TAOK3: variants seen among roughly 807,000 people sequenced by gnomAD.
TAOK3 encodes the protein TAO kinase 3.
Under a neutral mutation model 120.4 loss-of-function variants are expected in TAOK3, and 40 were observed. That is an observed-to-expected ratio of 0.33 (90% CI 0.26 to 0.43). The LOEUF (loss-of-function observed/expected upper bound fraction) is 0.43, where lower values mean the gene tolerates loss of function less well. Among genes scored for constraint, TAOK3 ranks in the 20% least tolerant of loss-of-function variants. The pLI, the probability that TAOK3 is intolerant of heterozygous loss-of-function variation, is 1.00. For synonymous variants in TAOK3, 355 were observed against 387.5 expected (o/e 0.92, Z 0.99); for missense variants, 821 against 1,112.1 (o/e 0.74, Z 3.72).
chr12:118,297,406 G>A (rs1216129124), intron 1 of TAOK3, among the ~76,000 whole-genome samples: 2 of 152,108 alleles, frequency 1.3e-5, no homozygotes, highest in South Asian at 2.1e-4. Flanking sequence ...TTGTACTTCA[G>A]CCACACTGGC....
chr12:118,172,615 G>T lies in TAOK3; in HGVS notation c.1741C>A (p.Arg581=), dbSNP rs368702140. 1 of 1,614,152 alleles carries T rather than the reference G, an allele frequency of 6.2e-7. No individual in the cohort carries two copies. The highest frequency in any genetic ancestry group is 8.5e-7 in the Non-Finnish European group (1 of 1,180,030). ...AAGTTCTCTTTATGTTTGGAGATCC[G>T]CTCTTGCTTCTCTTTCTTGGGTGTG... The part of the protein sequence containing the change: ...HSTPKKEKQE[R]ISKHKENLQH... Residue 581 remains arginine (R), a synonymous_variant, in exon 17 of 21, where the codon CGG becomes AGG. Transcript: ENST00000392533.
intron 1 of TAOK3, among the ~76,000 whole-genome samples, chr12:118,323,869 C>T (rs1012265199): frequency 6.6e-6 from 1 of 152,016 alleles, no homozygotes; most frequent in African/African-American, 2.4e-5. Flanking sequence ...AATAGACTAC[C>T]TGATATATCT....
In TAOK3 at chr12:118,230,799, G is replaced by A. The variant is rs369987152; in HGVS notation, c.643+2875C>T. 2.6e-5 allele frequency among the ~76,000 whole-genome samples: 4 copies of A among 152,204 alleles called. No homozygotes were observed. The South Asian group carries it at 8.3e-4, about 32-fold the overall frequency. ...TGTGAACTTTTACGTAGTATTGTGG[G>A]AAGTTCGTTATAAGCCCTTTTTAAA... On this transcript the variant is annotated intron_variant, in intron 9 of 20. Coordinates refer to ENST00000392533, the MANE Select transcript of TAOK3 (RefSeq NM_016281.4).
intron 1 of TAOK3, among the ~76,000 whole-genome samples, chr12:118,333,852 G>A (rs1248785054): frequency 1.3e-5 from 2 of 149,410 alleles, no homozygotes; most frequent in Non-Finnish European, 3.0e-5. Context: ...AAAAAAAATT[G>A]AGGCTGGGTG....
intron 3 of TAOK3, among the ~76,000 whole-genome samples, chr12:118,251,995 G>C (rs890510022): frequency 5.6e-4 from 85 of 152,048 alleles, no homozygotes; most frequent in Non-Finnish European, 1.1e-3. Context: ...CTAATTTTTT[G>C]TATTTTTAGT....
At chr12:118,349,369 C>A (rs75151690) in intron 1 of TAOK3, among the ~76,000 whole-genome samples, 3,119 of 152,248 alleles carry the variant, frequency 0.02, 107 homozygotes, top group African/African-American at 0.071. Flanking sequence ...AAATATCCAT[C>A]AACTCTTGAA....
At chr12:118,324,042 G>A (rs1449219134) in intron 1 of TAOK3, among the ~76,000 whole-genome samples, 2 of 152,148 alleles carry the variant, frequency 1.3e-5, no homozygotes. Flanking sequence ...TCATAATAAT[G>A]TAAGCACTGT....
At position 118,226,448 on chromosome 12, in the gene TAOK3, C is replaced by T. The variant is rs1161525964; in HGVS notation, c.643+7226G>A. 2.0e-5 allele frequency among the ~76,000 whole-genome samples: 3 copies of T among 150,296 alleles called. No homozygotes were observed. In the South Asian group the frequency reaches 6.3e-4, roughly 32 times the overall value. On this transcript the variant is annotated intron_variant, in intron 9 of 20. Transcript: ENST00000392533. The stretch of plus-strand genomic sequence containing the variant: ...ATTCGGGAGGCTGAGGCAGGAGAAT[C>T]GCTTGAACCCGGGAACTAGACGTTG...
chr12:118,309,021 T>C (rs971202543), intron 1 of TAOK3, among the ~76,000 whole-genome samples: 8 of 145,060 alleles, frequency 5.5e-5, no homozygotes, highest in Non-Finnish European at 1.2e-4. Flanking sequence ...TTCTTTCCCC[T>C]CTTTGAATTA....
intron 1 of TAOK3, among the ~76,000 whole-genome samples, chr12:118,307,912 T>A (rs546838682): frequency 6.6e-6 from 1 of 152,244 alleles, no homozygotes; most frequent in South Asian, 2.1e-4. Flanking sequence ...TGATAGTTAC[T>A]GGTACTTGTT....
chr12:118,333,197 G>A (rs2044224259), intron 1 of TAOK3, among the ~76,000 whole-genome samples: 3 of 152,164 alleles, frequency 2.0e-5, no homozygotes, highest in Non-Finnish European at 4.4e-5. Context: ...CTTCTCAAGT[G>A]CCATGGAATA....
At chr12:118,368,426 G>A (rs2045802335) in intron 1 of TAOK3, among the ~76,000 whole-genome samples, 1 of 151,818 alleles carries the variant, frequency 6.6e-6, no homozygotes, top group South Asian at 2.1e-4. Flanking sequence ...TCGAATTCCT[G>A]ACTTCAGGTG....
At position 118,150,755 on chromosome 12, in the gene TAOK3, T is replaced by G; in HGVS notation, c.*242A>C. ...TGAATCACATCAATACTGTGACGTG[T>G]ACTGTGAATAGAAGAGACGGCCAGG... On this transcript the variant is annotated 3_prime_UTR_variant, in exon 21 of 21. Transcript: ENST00000392533. The G allele has an allele frequency of 2.0e-6, 1 of 493,088 alleles. No homozygotes were observed. The highest frequency in any genetic ancestry group is 3.6e-6 in the Non-Finnish European group (1 of 279,268). 30.5% of individuals were successfully genotyped at this position (493,088 alleles called of 1,614,324 possible).
At position 118,160,209 on chromosome 12, in the gene TAOK3, T is replaced by A. The variant is rs749168029; in HGVS notation, c.2289A>T (p.Arg763Ser). 1 of 1,614,258 alleles carries A rather than the reference T, an allele frequency of 6.2e-7. No homozygotes were observed. Residue 763 changes from arginine to serine, a missense_variant, in exon 19 of 21, where the codon AGA (arginine) becomes AGT (serine). Around this residue, in one of 2 missense-constraint regions of TAOK3, gnomAD observed 354 missense variants for 572.1 expected, o/e 0.62. Coordinates refer to ENST00000392533, the MANE Select transcript of TAOK3 (RefSeq NM_016281.4). The surrounding 1 kb of genome is among the most constrained non-coding windows in gnomAD (Gnocchi z 4.2). ...ACTGCTCTGCCAAAATGGCAAGTTT[T>A]CTTGTCTGCTCATCTTTCAGTGTCT... is the stretch of plus-strand genomic sequence containing the variant. ...ILKTLKDEQT[R>S]KLAILAEQYE...
rs1474806302 is a variant in TAOK3 at position 118,342,953 on chromosome 12, AAAAAAG to A, written c.-194+29689_-194+29694del. 9.4e-3 allele frequency among the ~76,000 whole-genome samples: 1,359 copies of A among 144,626 alleles called. 23 individuals carry two copies. The highest frequency in any genetic ancestry group is 0.037 in the African/African-American group (1,287 of 35,224). 94.9% of individuals were successfully genotyped at this position (144,626 alleles called of 152,430 possible). The stretch of plus-strand genomic sequence containing the variant: ...TGTCTGCTAAAAAAAAAAAAAAAAA[AAAAAAG>A]AGAGAGAGAGAGAGAGAGAAATGAA... On this transcript the variant is annotated intron_variant, in intron 1 of 20. Coordinates refer to ENST00000392533, the MANE Select transcript of TAOK3 (RefSeq NM_016281.4).
At chr12:118,322,718 C>CTTTT (rs199608892) in intron 1 of TAOK3, among the ~76,000 whole-genome samples, 149 of 93,806 alleles carry the variant, frequency 1.6e-3, no homozygotes, top group Admixed American at 2.1e-3. Flanking sequence ...ATTTAAAAAC[C>CTTTT]TTTTTTTTTT....
intron 9 of TAOK3, among the ~76,000 whole-genome samples, chr12:118,219,639 A>C (rs2039123014): frequency 6.6e-6 from 1 of 151,100 alleles, no homozygotes; most frequent in Non-Finnish European, 1.5e-5. Context: ...TTACTCTGTC[A>C]CCCAGGCTGG....
At position 118,272,432 on chromosome 12, in the gene TAOK3, G is replaced by GT. The variant is rs1232348852; in HGVS notation, c.-193-5674dup. Among the ~76,000 whole-genome samples, 3 of 151,972 alleles carry GT rather than the reference G, an allele frequency of 2.0e-5. No individual in the cohort carries two copies. In the East Asian group the frequency reaches 5.8e-4, roughly 29 times the overall value. On this transcript the variant is annotated intron_variant, in intron 1 of 20. Coordinates refer to ENST00000392533, the MANE Select transcript of TAOK3 (RefSeq NM_016281.4). ...TTGAAGATCTTAGTTGTGTTTCAAT[G>GT]TTTTTTTCAACAATAATGTTCTTCT...
At chr12:118,361,188 G>T (rs1423218910) in intron 1 of TAOK3, among the ~76,000 whole-genome samples, 1 of 151,940 alleles carries the variant, frequency 6.6e-6, no homozygotes, top group Non-Finnish European at 1.5e-5. Context: ...TATTATTTTG[G>T]TCTTATTAGA....
Sources: gnomAD v4.1 joint callset for allele counts (sites outside exome capture counted in the v4.1 genomes callset) on GRCh38, gnomAD v4.1.1 for gene constraint, gnomAD v4.1.1 regional missense constraint, Gnocchi (gnomAD v3.1) non-coding constraint, MANE v1.5 for transcripts, NCBI Gene and HGNC (gene_info 2026-07-23, HGNC 2026-07-21) for gene names.